The following AGT variants were observed in gnomAD, a reference collection of about 807,000 sequenced individuals.
The protein encoded by AGT is angiotensinogen, also known as alpha-1 antiproteinase, antitrypsin.
A neutral mutation model predicts 28.1 loss-of-function variants in AGT; 26 were observed. The ratio of observed to expected loss-of-function variants is 0.92; its 90% CI spans 0.68 to 1.28. AGT has a LOEUF of 1.28. Ranked by LOEUF, AGT falls within the 50% of genes most tolerant of loss-of-function variation. The pLI is 0.00. For synonymous variants in AGT, 259 were observed against 259.6 expected (o/e 1.00, Z 0.02); for missense variants, 596 against 592.3 (o/e 1.01, Z -0.06).
In AGT at chr1:230,721,982, T is replaced by C. The variant is rs531280139; in HGVS notation, c.-30-11129A>G. Among the ~76,000 whole-genome samples, 201 of 151,728 alleles carry C rather than the reference T, an allele frequency of 1.3e-3. 2 individuals carry two copies. The highest frequency in any genetic ancestry group is 4.7e-3 in the African/African-American group (195 of 41,370). On this transcript the variant is annotated intron_variant, in intron 1 of 4. Coordinates refer to the AGT transcript ENST00000681269. ...TCACCAAGACAATGAGGAAAATGGC[T>C]CCAGGGCATGTCAGAGACCTTCACC...
chr1:230,718,122 T>A (rs1663774559), upstream of AGT, among the ~76,000 whole-genome samples: 1 of 152,124 alleles, frequency 6.6e-6, no homozygotes, highest in Admixed American at 6.5e-5. Context: ...TATTTTTATT[T>A]TTTGTAGAGA....
chr1:230,726,896 C>T (rs1295535573), intron 1 of AGT, among the ~76,000 whole-genome samples: 1 of 152,202 alleles, frequency 6.6e-6, no homozygotes, highest in Non-Finnish European at 1.5e-5. Context: ...ACCACTCTCT[C>T]ATATCTTCCA....
At position 230,722,053 on chromosome 1, in the gene AGT, G is replaced by A. The variant is rs547136335; in HGVS notation, c.-30-11200C>T. 7.9e-5 allele frequency among the ~76,000 whole-genome samples: 12 copies of A among 152,236 alleles called. No individual in the cohort carries two copies. The East Asian group carries it at 2.3e-3, about 29-fold the overall frequency. On this transcript the variant is annotated intron_variant, in intron 1 of 4. Transcript: ENST00000681269. The stretch of plus-strand genomic sequence containing the variant: ...CCTGGAGGCCTAACAGGGAAAAATG[G>A]TTTTGTGGGCAGGCCTAGGGCCCGC...
At chr1:230,707,171 G>T (rs547921599) in intron 2 of AGT, among the ~76,000 whole-genome samples, 3 of 152,354 alleles carry the variant, frequency 2.0e-5, no homozygotes, top group Admixed American at 2.0e-4. Flanking sequence ...AGCCCGTTGT[G>T]GGAGAAGGAC....
chr1:230,734,854 C>T (rs1407077072), intron 1 of AGT, among the ~76,000 whole-genome samples: 1 of 151,990 alleles, frequency 6.6e-6, no homozygotes, highest in Non-Finnish European at 1.5e-5. Context: ...GGACTACAGG[C>T]GCCTGCCACC....
chr1:230,711,305 C>G (rs1663585060), intron 1 of AGT, among the ~76,000 whole-genome samples: 1 of 152,076 alleles, frequency 6.6e-6, no homozygotes, highest in African/African-American at 2.4e-5. Flanking sequence ...TGTGGGGACA[C>G]AGAGAGAAGA....
At chr1:230,717,141 A>G (rs1663753230), upstream of AGT, among the ~76,000 whole-genome samples, 2 of 150,824 alleles carry the variant, frequency 1.3e-5, no homozygotes, top group Middle Eastern at 6.8e-3. Context: ...GGGCAAAGCT[A>G]CAAATTAACA....
At chr1:230,730,295 A>T (rs997971137) in intron 1 of AGT, among the ~76,000 whole-genome samples, 1 of 151,962 alleles carries the variant, frequency 6.6e-6, no homozygotes, top group Non-Finnish European at 1.5e-5. Context: ...GCTAGCCTCA[A>T]ACTCCTGATC....
intron 1 of AGT, among the ~76,000 whole-genome samples, chr1:230,728,411 T>C (rs1193442439): frequency 6.6e-6 from 1 of 152,176 alleles, no homozygotes; most frequent in Non-Finnish European, 1.5e-5. Flanking sequence ...ATTTAAACTA[T>C]AAACTAAATT....
rs1663519468 is a variant in AGT at position 230,709,886 on chromosome 1, A to G, written c.829+109T>C. The G allele has an allele frequency of 4.0e-6, 6 of 1,514,202 alleles. No homozygotes were observed. In the Admixed American group the frequency reaches 8.4e-5, roughly 21 times the overall value. The allele number at this position is 1,514,202 out of a possible 1,614,324, so 93.8% of individuals were successfully genotyped here. A position where few individuals can be genotyped will look rare whatever the true frequency, so the allele number is the denominator to read the frequency against. ...CACTTCTCAAGGGTGGTCACCAGGT[A>G]TGTCCGCAGGGCTGCCCCCTGCCCA... On this transcript the variant is annotated intron_variant, in intron 2 of 4. Transcript: ENST00000366667.
At chr1:230,704,455 C>G (rs56309273) in intron 3 of AGT, 118 bp from the exon 4 acceptor site, 102 of 1,335,498 alleles carry the variant, frequency 7.6e-5, no homozygotes, top group South Asian at 5.9e-4. Flanking sequence ...TTTGCTCCCC[C>G]CATCACCCAA....
chr1:230,712,269 T>C (rs11568025), intron 1 of AGT, among the ~76,000 whole-genome samples: 4,568 of 152,242 alleles, frequency 0.03, 129 homozygotes, highest in South Asian at 0.049. Flanking sequence ...TCTTCTTACA[T>C]TGGCAGCTGG....
intron 2 of AGT, among the ~76,000 whole-genome samples, chr1:230,707,552 G>A (rs1273784843): frequency 2.6e-5 from 4 of 152,180 alleles, no homozygotes; most frequent in Non-Finnish European, 5.9e-5. Context: ...TGGCAGACCT[G>A]GCATATTTCT....
intron 1 of AGT, among the ~76,000 whole-genome samples, chr1:230,733,201 T>G (rs1664097894): frequency 6.6e-6 from 1 of 151,972 alleles, no homozygotes; most frequent in Non-Finnish European, 1.5e-5. Flanking sequence ...GAGAATCACT[T>G]AAACCTGGGA....
At position 230,705,992 on chromosome 1, in the gene AGT, C is replaced by T; in HGVS notation, c.1038G>A (p.Lys346=). 7 of 1,614,208 alleles carry T rather than the reference C, an allele frequency of 4.3e-6. No homozygotes were observed. The highest frequency in any genetic ancestry group is 5.9e-6 in the Non-Finnish European group (7 of 1,180,038). The change falls in exon 3 of 5, where the codon AAG becomes AAA. Residue 346 remains lysine, a synonymous_variant. Coordinates refer to ENST00000366667, the MANE Select transcript of AGT (RefSeq NM_001384479.1). ...IQPHYASDLD[K]VEGLTFQQNS... ...TTTGCTGGAAAGTGAGACCCTCCACCTTGTCCAGGTCAGAGGCATAGTGAG... is the reference window on the plus strand; with the variant it reads ...TTTGCTGGAAAGTGAGACCCTCCACTTTGTCCAGGTCAGAGGCATAGTGAG...
intron 1 of AGT, among the ~76,000 whole-genome samples, chr1:230,731,334 C>A (rs1383627791): frequency 6.6e-6 from 1 of 152,186 alleles, no homozygotes; most frequent in Non-Finnish European, 1.5e-5. Flanking sequence ...CCCTCCAGCC[C>A]CCTTCCATCT....
chr1:230,704,093 T>C lies in AGT; in HGVS notation c.1242+100A>G, dbSNP rs966048805. ...TACTCTCCGCTCCCTCTTGCCCTGC[T>C]GGCCCCACCCATAGCCTCCTCTGTG... On this transcript the variant is annotated intron_variant, in intron 4 of 4. Coordinates refer to ENST00000366667, the MANE Select transcript of AGT (RefSeq NM_001384479.1). The C allele has an allele frequency of 8.2e-6, 13 of 1,582,104 alleles. No homozygotes were observed. In the African/African-American group the frequency reaches 1.5e-4, roughly 18 times the overall value.
rs551496228 is a variant in AGT, at chr1:230,737,603, C to T, written c.-31+7912G>A. ...CTGAGATTACAGGCTTGAGCCACTG[C>T]GCCCAGCCTGTTTATTATTATTATC... is the stretch of plus-strand genomic sequence containing the variant. On this transcript the variant is annotated intron_variant, in intron 1 of 4. Transcript: ENST00000681269. Among the ~76,000 whole-genome samples, 5 of 152,224 alleles carry T rather than the reference C, an allele frequency of 3.3e-5. No homozygotes were observed. The South Asian group carries it at 1.0e-3, about 32-fold the overall frequency.
intron 2 of AGT, among the ~76,000 whole-genome samples, chr1:230,707,936 G>A (rs1032032511): frequency 2.6e-5 from 4 of 152,286 alleles, no homozygotes; most frequent in Middle Eastern, 3.4e-3. Context: ...CTGGGCAGAC[G>A]GTACCCTGGA....
Sources: allele counts gnomAD v4.1 joint callset (sites outside exome capture counted in the v4.1 genomes callset), GRCh38; gene constraint gnomAD v4.1.1; transcripts MANE v1.5; gene names NCBI Gene and HGNC (gene_info 2026-07-23, HGNC 2026-07-21).